Variants in AGBL1 observed in about 807,000 individuals in gnomAD.
AGBL1 encodes cytosolic carboxypeptidase 4.
AGBL1 carries 130 observed loss-of-function variants against 118.9 expected under a neutral mutation model. The ratio of observed to expected loss-of-function variants is 1.09; its 90% CI spans 0.95 to 1.26. The LOEUF is 1.26. Ranked by LOEUF, AGBL1 falls within the 50% of genes most tolerant of loss-of-function variation. AGBL1 has a pLI of 0.00. For synonymous variants in AGBL1, 555 were observed against 478.9 expected, an observed-to-expected ratio of 1.16 and a Z score of -2.08; for missense variants, 1,584 against 1,298.1, an observed-to-expected ratio of 1.22 and a Z score of -3.38.
chr15:86,672,127 GA>G (rs1329484579), intron 21 of AGBL1, among the ~76,000 whole-genome samples: 31 of 151,962 alleles, frequency 2.0e-4, no homozygotes, highest in Non-Finnish European at 1.0e-4. Flanking sequence ...AGAGTAAAGA[GA>G]AAAAAACAGA....
chr15:86,109,339 A>G (rs1430685403), intron 1 of AGBL1, among the ~76,000 whole-genome samples: 2 of 152,216 alleles, frequency 1.3e-5, no homozygotes, highest in Non-Finnish European at 1.5e-5. Flanking sequence ...TTAGAAAGCA[A>G]TGATTTTTAA....
intron 22 of AGBL1, among the ~76,000 whole-genome samples, chr15:86,763,046 T>C (rs1271347595): frequency 6.6e-6 from 1 of 152,050 alleles, no homozygotes; most frequent in African/African-American, 2.4e-5. Context: ...CTAGGTTGAA[T>C]AGCAGAAGAT....
At chr15:86,491,847 T>C (rs987233391) in intron 18 of AGBL1, among the ~76,000 whole-genome samples, 1 of 150,886 alleles carries the variant, frequency 6.6e-6, no homozygotes, top group African/African-American at 2.4e-5. Context: ...CTAGCTAAGT[T>C]CTGGCTGTGT....
At chr15:86,416,123 TAAAC>T (rs1172341645) in intron 18 of AGBL1, among the ~76,000 whole-genome samples, 12 of 152,142 alleles carry the variant, frequency 7.9e-5, no homozygotes, top group Admixed American at 2.6e-4. Flanking sequence ...ATGTATTTCA[TAAAC>T]AAACAAACCA....
At chr15:86,774,541 A>G (rs935639510) in intron 22 of AGBL1, among the ~76,000 whole-genome samples, 1 of 152,078 alleles carries the variant, frequency 6.6e-6, no homozygotes, top group Non-Finnish European at 1.5e-5. Flanking sequence ...GGAATAAATC[A>G]ATAAAGTAAT....
intron 17 of AGBL1, among the ~76,000 whole-genome samples, chr15:86,375,815 G>C (rs1011074211): frequency 6.6e-6 from 1 of 152,194 alleles, no homozygotes; most frequent in African/African-American, 2.4e-5. Flanking sequence ...GAAGACCAAG[G>C]TGTGGGAGCC....
chr15:86,450,434 C>T (rs2082179261), intron 18 of AGBL1, among the ~76,000 whole-genome samples: 1 of 152,174 alleles, frequency 6.6e-6, no homozygotes, highest in Non-Finnish European at 1.5e-5. Context: ...GGAAAGAAGT[C>T]TTTGAAAAGT....
At chr15:86,892,512 A>G (rs2080066034) in intron 22 of AGBL1, among the ~76,000 whole-genome samples, 4 of 152,162 alleles carry the variant, frequency 2.6e-5, no homozygotes, top group Admixed American at 2.6e-4. Flanking sequence ...TTTCTATGCC[A>G]TGTGCAGCTT....
At chr15:86,498,333 G>A (rs1378528849) in intron 18 of AGBL1, among the ~76,000 whole-genome samples, 1 of 151,810 alleles carries the variant, frequency 6.6e-6, no homozygotes, top group Non-Finnish European at 1.5e-5. Context: ...TACCATGACA[G>A]GTACTAAATA....
chr15:86,897,353 G>A (rs1455278523), intron 22 of AGBL1, among the ~76,000 whole-genome samples: 2 of 152,070 alleles, frequency 1.3e-5, no homozygotes, highest in African/African-American at 4.8e-5. Context: ...CTTATTTCTA[G>A]TGTATATGAT....
At chr15:86,151,053 A>C (rs1384716389) in intron 3 of AGBL1, among the ~76,000 whole-genome samples, 1 of 152,134 alleles carries the variant, frequency 6.6e-6, no homozygotes, top group Non-Finnish European at 1.5e-5. Context: ...TATCGCAAGA[A>C]CAAAAAAACA....
intron 18 of AGBL1, among the ~76,000 whole-genome samples, chr15:86,520,780 G>A (rs2142196994): frequency 6.6e-6 from 1 of 152,340 alleles, no homozygotes; most frequent in Non-Finnish European, 1.5e-5. Context: ...AAATCACAGA[G>A]CAGTCAAAGA....
rs563634634 is a variant in AGBL1 at position 86,369,480 on chromosome 15, T to C, written c.2375-27886T>C. Among the ~76,000 whole-genome samples the C allele has an allele frequency of 5.9e-5, 9 of 152,226 alleles. No homozygotes were observed. In the South Asian group the frequency reaches 1.7e-3, roughly 28 times the overall value. ...GTAGAATATATTAAACTCCATCAAC[T>C]TAAGCATGACTGGAAAGTAGAGGGG... On this transcript the variant is annotated intron_variant, in intron 17 of 22. Coordinates refer to ENST00000614907, the MANE Select transcript of AGBL1 (RefSeq NM_001386094.1).
chr15:86,527,710 G>T (rs138093587), intron 19 of AGBL1, among the ~76,000 whole-genome samples: 7 of 152,246 alleles, frequency 4.6e-5, no homozygotes, highest in Non-Finnish European at 8.8e-5. Flanking sequence ...AAGATCCACC[G>T]GTTCTAGATA....
chr15:86,843,002 T>C (rs1267884670), intron 22 of AGBL1, among the ~76,000 whole-genome samples: 1 of 152,146 alleles, frequency 6.6e-6, no homozygotes, highest in Non-Finnish European at 1.5e-5. Context: ...GTTTTAGGGC[T>C]CCTTCAAACA....
intron 6 of AGBL1, among the ~76,000 whole-genome samples, chr15:86,241,642 G>A (rs1344157020): frequency 6.6e-6 from 1 of 152,180 alleles, no homozygotes. Flanking sequence ...GACACTGTGT[G>A]AAGCCTCTTT....
At chr15:86,668,777 A>C (rs2085690742) in intron 21 of AGBL1, among the ~76,000 whole-genome samples, 1 of 152,220 alleles carries the variant, frequency 6.6e-6, no homozygotes, top group Non-Finnish European at 1.5e-5. Context: ...GGACCTCCAG[A>C]GATGACAACT....
intron 21 of AGBL1, among the ~76,000 whole-genome samples, chr15:86,669,896 G>A (rs2085710576): frequency 6.6e-6 from 1 of 152,072 alleles, no homozygotes; most frequent in African/African-American, 2.4e-5. Flanking sequence ...CAAATCTTTG[G>A]CATAAATTGT....
At chr15:86,751,000 A>G (rs904600236) in intron 22 of AGBL1, among the ~76,000 whole-genome samples, 1 of 152,102 alleles carries the variant, frequency 6.6e-6, no homozygotes, top group African/African-American at 2.4e-5. Flanking sequence ...ATAGCATTCC[A>G]TGGTGTATGT....
Sources: allele counts gnomAD v4.1 joint callset (sites outside exome capture counted in the v4.1 genomes callset), GRCh38; gene constraint gnomAD v4.1.1; transcripts MANE v1.5; gene names NCBI Gene and HGNC (gene_info 2026-07-23, HGNC 2026-07-21).